TRPM3: variants seen among roughly 807,000 people sequenced by gnomAD.
TRPM3 encodes long transient receptor potential channel 3.
A neutral mutation model predicts 181.2 loss-of-function variants in TRPM3; 77 were observed. The ratio of observed to expected loss-of-function variants is 0.42; its 90% CI spans 0.35 to 0.51. The LOEUF (loss-of-function observed/expected upper bound fraction) is 0.51, where lower values mean the gene tolerates loss of function less well. TRPM3 is among the 20% of genes least tolerant of loss of function. The pLI is 0.01. For synonymous variants in TRPM3, 745 were observed against 796.4 expected (o/e 0.94, Z 1.09); for missense variants, 1,759 against 2,196.7 (o/e 0.80, Z 3.98).
chr9:70,818,364 T>C (rs1021256769), intron 6 of TRPM3, among the ~76,000 whole-genome samples: 3 of 152,346 alleles, frequency 2.0e-5, no homozygotes, highest in South Asian at 2.1e-4. Context: ...TAGTAACTCT[T>C]TATTCAGCTA....
At chr9:70,553,111 C>A in intron 23 of TRPM3, 49 bp downstream of exon 23, 1 of 1,613,634 alleles carries the variant, frequency 6.2e-7, no homozygotes, top group Non-Finnish European at 8.5e-7. Context: ...GACTCCCCTT[C>A]ACCCCTGCTG....
At chr9:70,537,858 G>A (rs936594604) in intron 25 of TRPM3, among the ~76,000 whole-genome samples, 1 of 152,048 alleles carries the variant, frequency 6.6e-6, no homozygotes, top group Non-Finnish European at 1.5e-5. Flanking sequence ...TGCATTTTGA[G>A]GATTTTACCC....
At chr9:70,884,686 T>C (rs1025616162) in intron 1 of TRPM3, among the ~76,000 whole-genome samples, 1 of 152,244 alleles carries the variant, frequency 6.6e-6, no homozygotes, top group Non-Finnish European at 1.5e-5. Flanking sequence ...GTTTGGTTCA[T>C]GTTCCTGCTT....
At chr9:71,302,003 C>A (rs986367372) in intron 1 of TRPM3, among the ~76,000 whole-genome samples, 1 of 151,962 alleles carries the variant, frequency 6.6e-6, no homozygotes. Flanking sequence ...TGTTTATGCC[C>A]CTCTTTACTC....
Position 71,247,898 on chromosome 9 carries a change from ACTAG to A in TRPM3, c.183+198751_183+198754del, listed in dbSNP as rs900998609. On this transcript the variant is annotated intron_variant, in intron 1 of 24. Transcript: ENST00000357533. Reference sequence around the variant, plus strand: ...TATTTTATAACAAATGATCTATTTTACTAGCTAAAGTGAAGGCCTTAAAATAGGT... The same window carrying A: ...TATTTTATAACAAATGATCTATTTTACTAAAGTGAAGGCCTTAAAATAGGT... Among the ~76,000 whole-genome samples the A allele has an allele frequency of 9.8e-5, 15 of 152,344 alleles. No homozygotes were observed. The South Asian group carries it at 1.2e-3, about 13-fold the overall frequency.
intron 1 of TRPM3, among the ~76,000 whole-genome samples, chr9:71,433,416 C>T (rs1356543412): frequency 6.6e-6 from 1 of 152,202 alleles, no homozygotes; most frequent in African/African-American, 2.4e-5. Flanking sequence ...TGAAGAAGGA[C>T]ATGTTTGCTT....
At chr9:70,641,029 A>C (rs1281514283) in intron 9 of TRPM3, among the ~76,000 whole-genome samples, 1 of 152,204 alleles carries the variant, frequency 6.6e-6, no homozygotes, top group Non-Finnish European at 1.5e-5. Context: ...GACTGAACCC[A>C]GTAGATGTCA....
chr9:71,069,578 G>C (rs2062428399), intron 1 of TRPM3, among the ~76,000 whole-genome samples: 1 of 151,838 alleles, frequency 6.6e-6, no homozygotes, highest in South Asian at 2.1e-4. Context: ...GGTAGGAATA[G>C]GAGGGCCTGT....
intron 1 of TRPM3, among the ~76,000 whole-genome samples, chr9:71,429,759 T>G (rs1156839795): frequency 6.6e-6 from 1 of 152,180 alleles, no homozygotes; most frequent in Non-Finnish European, 1.5e-5. Context: ...GGAGCATTTG[T>G]GCACATAGGT....
chr9:70,982,326 T>C (rs2134032382), intron 1 of TRPM3, among the ~76,000 whole-genome samples: 1 of 152,362 alleles, frequency 6.6e-6, no homozygotes, highest in Non-Finnish European at 1.5e-5. Flanking sequence ...ATAGTGACTA[T>C]TTGAAACATC....
At chr9:71,001,647 T>C (rs1031705076) in intron 1 of TRPM3, among the ~76,000 whole-genome samples, 1 of 152,212 alleles carries the variant, frequency 6.6e-6, no homozygotes, top group African/African-American at 2.4e-5. Flanking sequence ...ATTGAGTCCC[T>C]AGCCTTGAAA....
At chr9:71,390,805 T>A (rs540213199) in intron 1 of TRPM3, among the ~76,000 whole-genome samples, 10 of 152,134 alleles carry the variant, frequency 6.6e-5, no homozygotes, top group African/African-American at 2.4e-4. Context: ...GTGCAGATAT[T>A]AAACACTGAG....
intron 1 of TRPM3, among the ~76,000 whole-genome samples, chr9:71,196,755 T>A (rs1309907907): frequency 6.6e-6 from 1 of 152,084 alleles, no homozygotes; most frequent in Admixed American, 6.6e-5. Flanking sequence ...TACATGTGTT[T>A]CAAAGAAAAC....
At chr9:71,022,005 G>A (rs1328851209) in intron 1 of TRPM3, among the ~76,000 whole-genome samples, 2 of 152,126 alleles carry the variant, frequency 1.3e-5, no homozygotes. Flanking sequence ...GAATGAAGAT[G>A]GTGACTGGGG....
At chr9:70,739,385 T>A (rs564639534) in intron 8 of TRPM3, among the ~76,000 whole-genome samples, 1 of 152,274 alleles carries the variant, frequency 6.6e-6, no homozygotes, top group South Asian at 2.1e-4. Flanking sequence ...AATCACATGA[T>A]CATCTCAATA....
At chr9:70,992,201 T>C (rs1053310430) in intron 1 of TRPM3, among the ~76,000 whole-genome samples, 1 of 152,236 alleles carries the variant, frequency 6.6e-6, no homozygotes, top group Non-Finnish European at 1.5e-5. Flanking sequence ...TTTGTGCATA[T>C]GGGCTTGACT....
At chr9:70,784,041 C>G (rs910497492) in intron 7 of TRPM3, 64 bp downstream of exon 7, 2 of 1,530,724 alleles carry the variant, frequency 1.3e-6, no homozygotes, top group Non-Finnish European at 1.8e-6. Context: ...AAACATAATC[C>G]ACTCATACCC....
At chr9:71,058,025 T>G (rs545481584) in intron 1 of TRPM3, among the ~76,000 whole-genome samples, 2 of 152,062 alleles carry the variant, frequency 1.3e-5, no homozygotes, top group Non-Finnish European at 2.9e-5. Flanking sequence ...CCTAACATTA[T>G]CTTGTGTGTT....
At chr9:70,892,610 C>CAAA (rs5898170) in intron 1 of TRPM3, among the ~76,000 whole-genome samples, 7,686 of 121,740 alleles carry the variant, frequency 0.063, 263 homozygotes, top group Non-Finnish European at 0.092. Flanking sequence ...CGTTTGACCT[C>CAAA]AAAAAAAAAA....
Sources: gnomAD v4.1 joint callset for allele counts (sites outside exome capture counted in the v4.1 genomes callset) on GRCh38, gnomAD v4.1.1 for gene constraint, MANE v1.5 for transcripts, NCBI Gene and HGNC (gene_info 2026-07-23, HGNC 2026-07-21) for gene names.